Variants in NRG1 observed in about 807,000 individuals in gnomAD.
The protein encoded by NRG1 is neuregulin 1.
NRG1 carries 18 observed loss-of-function variants against 63.8 expected under a neutral mutation model. The observed-to-expected ratio is 0.28, with a 90% CI of 0.19 to 0.42. NRG1 has a LOEUF of 0.42. NRG1 is among the 10% of genes least tolerant of loss of function. The pLI, the probability that NRG1 is intolerant of heterozygous loss-of-function variation, is 1.00. For missense variants in NRG1, 762 were observed against 814.7 expected, an observed-to-expected ratio of 0.94 and a Z score of 0.79; for synonymous variants, 302 against 301.3, an observed-to-expected ratio of 1.00 and a Z score of -0.02.
At chr8:31,825,646 A>G (rs181870953) in intron 1 of NRG1, among the ~76,000 whole-genome samples, 1 of 152,310 alleles carries the variant, frequency 6.6e-6, no homozygotes, top group East Asian at 1.9e-4. Flanking sequence ...TGAAACTGTT[A>G]TAAAAAGGAA....
At chr8:32,311,865 A>G (rs1053569071) in intron 1 of NRG1, among the ~76,000 whole-genome samples, 3 of 152,202 alleles carry the variant, frequency 2.0e-5, no homozygotes, top group Non-Finnish European at 4.4e-5. Context: ...TATCAATTCA[A>G]CACGCAGTAC....
At chr8:32,766,323 T>C (rs1361969553) in exon 12 of NRG1, 5 of 152,176 alleles carry the variant, frequency 3.3e-5, no homozygotes, top group Non-Finnish European at 7.3e-5. Context: ...CATGCCACTT[T>C]CTCTGTGCAC....
chr8:32,119,369 A>G (rs889862513), intron 1 of NRG1, among the ~76,000 whole-genome samples: 2 of 152,110 alleles, frequency 1.3e-5, no homozygotes, highest in Non-Finnish European at 2.9e-5. Context: ...CTGGGTTCTT[A>G]GCTGATACAC....
intron 1 of NRG1, among the ~76,000 whole-genome samples, chr8:32,589,020 C>T (rs942007161): frequency 2.0e-5 from 3 of 152,116 alleles, no homozygotes; most frequent in African/African-American, 4.8e-5. Context: ...TCTTGTTGGG[C>T]GATTCGGGAT....
intron 1 of NRG1, among the ~76,000 whole-genome samples, chr8:31,712,436 T>A (rs1358788936): frequency 6.6e-6 from 1 of 151,832 alleles, no homozygotes; most frequent in Non-Finnish European, 1.5e-5. Context: ...ATCCGGCTAA[T>A]TTTTTGTATT....
chr8:32,506,679 C>G (rs1349260004), intron 1 of NRG1, among the ~76,000 whole-genome samples: 1 of 152,046 alleles, frequency 6.6e-6, no homozygotes, highest in Non-Finnish European at 1.5e-5. Context: ...ATACTGCACT[C>G]CCTCAACCAG....
At chr8:32,386,813 T>A (rs77089695) in intron 1 of NRG1, among the ~76,000 whole-genome samples, 2 of 152,192 alleles carry the variant, frequency 1.3e-5, no homozygotes, top group African/African-American at 4.8e-5. Context: ...CCTAGACCCA[T>A]GCAGATACCA....
chr8:32,412,452 A>C (rs972365889), intron 1 of NRG1, among the ~76,000 whole-genome samples: 1,639 of 21,578 alleles, frequency 0.076, 91 homozygotes, highest in African/African-American at 0.15. Flanking sequence ...ATATATATAT[A>C]CATATATATA....
chr8:32,302,289 C>T (rs1462735083), intron 1 of NRG1, among the ~76,000 whole-genome samples: 1 of 152,110 alleles, frequency 6.6e-6, no homozygotes, highest in African/African-American at 2.4e-5. Context: ...GAATCCTAAC[C>T]CCTGACGATC....
chr8:31,645,974 G>A (rs867053259), intron 1 of NRG1, among the ~76,000 whole-genome samples: 8 of 152,268 alleles, frequency 5.3e-5, no homozygotes, highest in Middle Eastern at 3.4e-3. Flanking sequence ...GGATTGTAGT[G>A]TATGAGTTTA....
chr8:32,121,130 A>G (rs897760757), intron 1 of NRG1, among the ~76,000 whole-genome samples: 6 of 152,082 alleles, frequency 3.9e-5, no homozygotes, highest in African/African-American at 1.4e-4. Context: ...TAGGCAAGGC[A>G]TGTTAGTCAT....
intron 1 of NRG1, among the ~76,000 whole-genome samples, chr8:31,659,138 G>A (rs559809907): frequency 1.3e-5 from 2 of 152,278 alleles, no homozygotes; most frequent in Admixed American, 6.5e-5. Flanking sequence ...ATCATGTCTG[G>A]AGAAGTTGCT....
downstream of NRG1, among the ~76,000 whole-genome samples, chr8:32,769,301 G>A (rs990934965): frequency 2.6e-5 from 4 of 152,174 alleles, no homozygotes; most frequent in African/African-American, 9.7e-5. Context: ...AAGGAGGTGA[G>A]GTGGTTTGGA....
intron 1 of NRG1, among the ~76,000 whole-genome samples, chr8:32,011,988 C>G (rs544946168): frequency 6.6e-6 from 1 of 152,082 alleles, no homozygotes; most frequent in African/African-American, 2.4e-5. Flanking sequence ...GTGAGAGAGA[C>G]TGGGGAAAAA....
chr8:32,352,106 C>T (rs1428597923), intron 1 of NRG1, among the ~76,000 whole-genome samples: 1 of 150,712 alleles, frequency 6.6e-6, no homozygotes, highest in Non-Finnish European at 1.5e-5. Context: ...GTGCAAAGTC[C>T]TAAAGCCTTA....
intron 1 of NRG1, among the ~76,000 whole-genome samples, chr8:31,959,606 T>C (rs1805066361): frequency 6.6e-6 from 1 of 152,146 alleles, no homozygotes; most frequent in Non-Finnish European, 1.5e-5. Flanking sequence ...GAAATAATTC[T>C]AGCTCATAGT....
chr8:31,685,679 C>T (rs1808811604), intron 1 of NRG1, among the ~76,000 whole-genome samples: 1 of 152,146 alleles, frequency 6.6e-6, no homozygotes, highest in Non-Finnish European at 1.5e-5. Flanking sequence ...GTAGTTCCAA[C>T]CCTAGGCAAC....
chr8:32,043,287 C>T (rs1038155572), intron 1 of NRG1, among the ~76,000 whole-genome samples: 53 of 152,058 alleles, frequency 3.5e-4, no homozygotes, highest in African/African-American at 1.1e-3. Flanking sequence ...AATCAACCAA[C>T]ATTTTTTAAA....
chr8:31,902,659 T>C (rs1198638639), intron 1 of NRG1, among the ~76,000 whole-genome samples: 4 of 152,162 alleles, frequency 2.6e-5, no homozygotes, highest in Admixed American at 2.6e-4. Context: ...TTAAGTACTT[T>C]AGTCTGCAAG....
Sources: allele counts gnomAD v4.1 joint callset (sites outside exome capture counted in the v4.1 genomes callset), GRCh38; gene constraint gnomAD v4.1.1; transcripts MANE v1.5; gene names NCBI Gene and HGNC (gene_info 2026-07-23, HGNC 2026-07-21).